PLPP1: variants seen among roughly 807,000 people sequenced by gnomAD.
The protein encoded by PLPP1 is phospholipid phosphatase 1, also known as lipid phosphate phosphohydrolase 1a.
A neutral mutation model predicts 31.2 loss-of-function variants in PLPP1; 24 were observed. That is an observed-to-expected ratio of 0.77 (90% confidence interval 0.56 to 1.08). PLPP1 has a LOEUF of 1.08. Among genes scored for constraint, PLPP1 ranks in the 50% least tolerant of loss-of-function variants. PLPP1 has a pLI of 0.00. For synonymous variants in PLPP1, 146 were observed against 126.3 expected, an observed-to-expected ratio of 1.16 and a Z score of -1.05; for missense variants, 319 against 342.7, an observed-to-expected ratio of 0.93 and a Z score of 0.55.
chr5:55,468,912 A>G (rs189990815), intron 2 of PLPP1, among the ~76,000 whole-genome samples: 122 of 152,322 alleles, frequency 8.0e-4, no homozygotes, highest in Non-Finnish European at 1.5e-3. Context: ...ATTCCTTTGA[A>G]TCAAAGACAT....
intron 1 of PLPP1, among the ~76,000 whole-genome samples, chr5:55,518,359 T>C (rs1753595500): frequency 6.6e-6 from 1 of 151,782 alleles, no homozygotes; most frequent in South Asian, 2.1e-4. Flanking sequence ...AAAAACCTCA[T>C]TTCATTATAA....
At chr5:55,469,286 G>A (rs527551904) in intron 2 of PLPP1, among the ~76,000 whole-genome samples, 108 of 151,994 alleles carry the variant, frequency 7.1e-4, no homozygotes, top group African/African-American at 2.2e-3. Context: ...TCAGGAGTTC[G>A]AGACCAGCCT....
chr5:55,431,115 AAAAT>A (rs1489874571), intron 4 of PLPP1, among the ~76,000 whole-genome samples: 61 of 152,302 alleles, frequency 4.0e-4, no homozygotes, highest in African/African-American at 1.3e-3. Flanking sequence ...TCAGAAAACA[AAAAT>A]AAAAGGGATA....
chr5:55,530,251 G>A (rs1740613660), intron 1 of PLPP1: 3 of 1,490,838 alleles, frequency 2.0e-6, no homozygotes, highest in East Asian at 2.3e-5. Flanking sequence ...TCAAACTGAT[G>A]TCTCTGATTT....
intron 1 of PLPP1, among the ~76,000 whole-genome samples, chr5:55,529,918 A>C (rs1401447612): frequency 6.6e-6 from 1 of 152,230 alleles, no homozygotes; most frequent in Non-Finnish European, 1.5e-5. Flanking sequence ...ATTCTCTTTC[A>C]CCATTACATT....
chr5:55,517,928 A>G (rs574535981), intron 1 of PLPP1, among the ~76,000 whole-genome samples: 6 of 152,192 alleles, frequency 3.9e-5, no homozygotes, highest in Non-Finnish European at 7.3e-5. Flanking sequence ...GCTCACCGCA[A>G]CCTCTGCCTC....
chr5:55,491,787 G>A (rs1047713320), intron 1 of PLPP1, among the ~76,000 whole-genome samples: 3 of 145,666 alleles, frequency 2.1e-5, no homozygotes, highest in Non-Finnish European at 3.0e-5. Context: ...GAACCCAGGG[G>A]ACAGAGGTTG....
rs142531303 is a variant in PLPP1 at position 55,474,803 on chromosome 5, T to C, written c.210+496A>G. On this transcript the variant is annotated intron_variant, in intron 2 of 5. Transcript: ENST00000307259. Reference sequence around the variant, plus strand: ...ATGTATAAAGTATGCTAGAATCATATTGCTATAACATTCAACTATTGATCA... The same window carrying C: ...ATGTATAAAGTATGCTAGAATCATACTGCTATAACATTCAACTATTGATCA... Among the ~76,000 whole-genome samples the C allele has an allele frequency of 1.3e-3, 203 of 152,330 alleles. 2 individuals carry two copies. In the Middle Eastern group the frequency reaches 0.024, roughly 18 times the overall value.
intron 4 of PLPP1, among the ~76,000 whole-genome samples, chr5:55,437,157 G>A (rs942581388): frequency 6.6e-6 from 1 of 152,084 alleles, no homozygotes; most frequent in Non-Finnish European, 1.5e-5. Flanking sequence ...AACTAAGACA[G>A]GAAGGATATA....
chr5:55,495,657 T>C (rs1339499839), intron 1 of PLPP1, among the ~76,000 whole-genome samples: 1 of 152,084 alleles, frequency 6.6e-6, no homozygotes, highest in African/African-American at 2.4e-5. Context: ...CATTGTTCAA[T>C]ATCGGGTTGT....
At chr5:55,467,792 G>C in intron 3 of PLPP1, 77 bp downstream of exon 3, 1 of 1,430,862 alleles carries the variant, frequency 7.0e-7, no homozygotes, top group Non-Finnish European at 9.4e-7. Flanking sequence ...TAAGTGCGTG[G>C]CTTATCTTCC....
In PLPP1 at chr5:55,471,531, ACTTT is replaced by A. The variant is rs565239889; in HGVS notation, c.211-3386_211-3383del. 3.0e-3 allele frequency among the ~76,000 whole-genome samples: 451 copies of A among 152,188 alleles called. 2 individuals are homozygous for A. The highest frequency in any genetic ancestry group is 6.8e-3 in the Middle Eastern group (2 of 294). On this transcript the variant is annotated intron_variant, in intron 2 of 5. Transcript: ENST00000307259. ...AACAGATTTTTATCAACTCTCACTT[ACTTT>A]AACTTCTCAGTGTATTTGACTTCAC...
intron 3 of PLPP1, among the ~76,000 whole-genome samples, chr5:55,451,214 G>GT (rs1414531766): frequency 6.6e-6 from 1 of 152,208 alleles, no homozygotes; most frequent in Non-Finnish European, 1.5e-5. Context: ...GAGCCCAGGA[G>GT]TTTGAGATCA....
chr5:55,426,179 G>C, intron 4 of PLPP1, 140 bp from the exon 5 acceptor site: 2 of 699,774 alleles, frequency 2.9e-6, no homozygotes, highest in Non-Finnish European at 4.6e-6. Flanking sequence ...ATTCACGTAC[G>C]CATTATTACC....
intron 3 of PLPP1, among the ~76,000 whole-genome samples, chr5:55,455,125 A>C (rs576816124): frequency 6.6e-6 from 1 of 152,360 alleles, no homozygotes; most frequent in East Asian, 1.9e-4. Context: ...AACAAAAATA[A>C]TTTTGTATTT....
At chr5:55,487,384 T>TG (rs1363407836) in intron 1 of PLPP1, among the ~76,000 whole-genome samples, 3 of 142,444 alleles carry the variant, frequency 2.1e-5, no homozygotes, top group Admixed American at 7.0e-5. Context: ...CCAAAAATGA[T>TG]GGAAAAAAAA....
At chr5:55,452,139 T>C (rs1025155816) in intron 3 of PLPP1, among the ~76,000 whole-genome samples, 6 of 152,136 alleles carry the variant, frequency 3.9e-5, no homozygotes, top group Admixed American at 3.9e-4. Context: ...CTACTTGATA[T>C]AGTTTGGATG....
At chr5:55,429,502 A>G (rs190549870) in intron 4 of PLPP1, among the ~76,000 whole-genome samples, 2 of 152,146 alleles carry the variant, frequency 1.3e-5, no homozygotes, top group East Asian at 1.9e-4. Context: ...CCGCATTCCC[A>G]TTGTGAAGTC....
chr5:55,493,867 G>A (rs1049321796), intron 1 of PLPP1, among the ~76,000 whole-genome samples: 5 of 145,814 alleles, frequency 3.4e-5, no homozygotes, highest in Admixed American at 7.0e-5. Flanking sequence ...GCGACAGAGC[G>A]AGACTCCATC....
Sources: gnomAD v4.1 joint callset for allele counts (sites outside exome capture counted in the v4.1 genomes callset) on GRCh38, gnomAD v4.1.1 for gene constraint, MANE v1.5 for transcripts, NCBI Gene and HGNC (gene_info 2026-07-23, HGNC 2026-07-21) for gene names.